ZCCHC14: variants seen among roughly 807,000 people sequenced by gnomAD.
ZCCHC14 encodes zinc finger CCHC-type containing 14.
A neutral mutation model predicts 85.0 loss-of-function variants in ZCCHC14; 16 were observed. The observed-to-expected ratio is 0.19, with a 90% confidence interval of 0.13 to 0.29. The LOEUF (loss-of-function observed/expected upper bound fraction) is 0.29, where lower values mean the gene tolerates loss of function less well. ZCCHC14 is among the 10% of genes least tolerant of loss of function. The probability of loss-of-function intolerance (pLI) is 1.00; values close to 1 mark genes in which losing one functional copy is unlikely to be tolerated. For missense variants in ZCCHC14, 1,303 were observed against 1,443.5 expected (o/e 0.90, Z 1.58); for synonymous variants, 775 against 630.7 (o/e 1.23, Z -3.43).
intron 2 of ZCCHC14, among the ~76,000 whole-genome samples, chr16:87,448,598 G>A (rs182901571): frequency 7.3e-4 from 111 of 152,112 alleles, no homozygotes; most frequent in South Asian, 3.1e-3. Context: ...CTCCACATTC[G>A]GCAATCCTCG....
At chr16:87,459,093 G>A (rs576870245) in intron 2 of ZCCHC14, among the ~76,000 whole-genome samples, 7 of 152,354 alleles carry the variant, frequency 4.6e-5, no homozygotes, top group African/African-American at 1.4e-4. Flanking sequence ...CAGAGCCACA[G>A]GGGCTCAGGC....
At position 87,491,642 on chromosome 16, in the gene ZCCHC14, A is replaced by C; in HGVS notation, c.570+27T>G. The C allele has an allele frequency of 7.2e-7, 1 of 1,383,708 alleles. No individual in the cohort carries two copies. Among genetic ancestry groups the C allele is most frequent in the South Asian group, 1.7e-5 (1 of 58,646 alleles). The allele number at this position is 1,383,708 out of a possible 1,614,324, so 85.7% of individuals were successfully genotyped here. A position where few individuals can be genotyped will look rare whatever the true frequency, so the allele number is the denominator to read the frequency against. ...AGTTGGGGATGCAGACTTGGGGTACAGGGCAGAGCTCGGGGCGGGCACGCA... is the reference window on the plus strand; with the variant it reads ...AGTTGGGGATGCAGACTTGGGGTACCGGGCAGAGCTCGGGGCGGGCACGCA... On this transcript the variant is annotated intron_variant, in intron 1 of 12. Coordinates refer to ENST00000671377, the MANE Select transcript of ZCCHC14 (RefSeq NM_015144.3). This position sits in a 1 kb window ranked among gnomAD's most constrained non-coding sequence, Gnocchi z 5.9.
At chr16:87,444,128 C>T (rs1188301156) in intron 2 of ZCCHC14, among the ~76,000 whole-genome samples, 3 of 151,748 alleles carry the variant, frequency 2.0e-5, no homozygotes, top group Non-Finnish European at 2.9e-5. Flanking sequence ...AGGCCTAGAG[C>T]AGCCACACTC....
intron 1 of ZCCHC14, among the ~76,000 whole-genome samples, chr16:87,478,254 T>G (rs1415466549): frequency 6.6e-6 from 1 of 152,188 alleles, no homozygotes; most frequent in Admixed American, 6.5e-5. Context: ...GTGTCATCCC[T>G]AGACCAGCCA....
chr16:87,411,700 A>G lies in ZCCHC14; in HGVS notation c.3021T>C (p.Phe1007=). 4 of 1,614,082 alleles carry G rather than the reference A, an allele frequency of 2.5e-6. No homozygotes were observed. The highest frequency in any genetic ancestry group is 3.4e-6 in the Non-Finnish European group (4 of 1,179,976). Residue 1007 remains phenylalanine, a synonymous_variant, in exon 12 of 13, where the codon TTT becomes TTC. Coordinates refer to ENST00000671377, the MANE Select transcript of ZCCHC14 (RefSeq NM_015144.3). ...TGAAGTTCTGCATGGGTGGCACGGC[A>G]AACGTGGACTGCCCACTCAGGACAG... is the stretch of plus-strand genomic sequence containing the variant. The part of the protein sequence containing the change: ...PDPVLSGQST[F]AVPPMQNFMA...
Position 87,411,707 on chromosome 16 carries a change from G to A in ZCCHC14, c.3014C>T (p.Ser1005Phe), listed in dbSNP as rs1371126122. ...GTPDPVLSGQ[S>F]TFAVPPMQNF... ...CTGCATGGGTGGCACGGCAAACGTG[G>A]ACTGCCCACTCAGGACAGGGTCTGG... is the stretch of plus-strand genomic sequence containing the variant. The change falls in exon 12 of 13, where the codon TCC (serine) becomes TTC (phenylalanine). Residue 1005 changes from serine to phenylalanine, a missense_variant. Physicochemically the swap from Ser to Phe is radical, Grantham distance 155. Transcript: ENST00000671377. The A allele has an allele frequency of 1.9e-6, 3 of 1,613,992 alleles. No homozygotes were observed. The East Asian group carries it at 6.7e-5, about 36-fold the overall frequency.
chr16:87,422,056 T>C lies in ZCCHC14; in HGVS notation c.841-1340A>G, dbSNP rs981250705. Among the ~76,000 whole-genome samples, 6 of 152,294 alleles carry C rather than the reference T, an allele frequency of 3.9e-5. 1 individual carries two copies. The South Asian group carries it at 8.3e-4, about 21-fold the overall frequency. On this transcript the variant is annotated intron_variant, in intron 4 of 12. Coordinates refer to ENST00000671377, the MANE Select transcript of ZCCHC14 (RefSeq NM_015144.3). ...GGACTTTAAACAGCTATGATGGATG[T>C]ACTAAAGGACCTAGTGAAAACGACA...
chr16:87,491,684 G>A lies in ZCCHC14; in HGVS notation c.555C>T (p.Cys185=), dbSNP rs1912776949. 2 of 1,420,032 alleles carry A rather than the reference G, an allele frequency of 1.4e-6. No individual in the cohort carries two copies. Among genetic ancestry groups the A allele is most frequent in the Non-Finnish European group, 1.8e-6 (2 of 1,093,344 alleles). 88.0% of individuals were successfully genotyped at this position (1,420,032 alleles called of 1,614,324 possible). A position where few individuals can be genotyped will look rare whatever the true frequency, so the allele number is the denominator to read the frequency against. ...GGGCACGCACCTTGTGGCAGGCTGG[G>A]CAAGTGGGCAGCGCGCCGCCCGGCC... is the stretch of plus-strand genomic sequence containing the variant. ...APGPGGALPT[C]PACHKITPRT... Residue 185 remains cysteine (C), a synonymous_variant, in exon 1 of 13, where the codon TGC becomes TGT. Coordinates refer to ENST00000671377, the MANE Select transcript of ZCCHC14 (RefSeq NM_015144.3). The surrounding 1 kb of genome is among the most constrained non-coding windows in gnomAD (Gnocchi z 5.9).
In ZCCHC14 at chr16:87,417,624, A is replaced by G. The variant is rs570400423; in HGVS notation, c.1219T>C (p.Ser407Pro). Residue 407 changes from serine (S) to proline (P), a missense_variant, in exon 8 of 13, where the codon TCA becomes CCA. By Grantham distance (74) the Ser-to-Pro change is moderately conservative (BLOSUM62 -1). This residue lies in a region of ZCCHC14 where 389 missense variants were observed against 397.8 expected (regional missense o/e 0.98). Coordinates refer to ENST00000671377, the MANE Select transcript of ZCCHC14 (RefSeq NM_015144.3). ...PHCSHAGSAG[S>P]ALAYRTQMDT... ...ATCTGGGTCCGGTAGGCCAGGGCTG[A>G]GCCCGCGCTGCCCGCATGGGAGCAG... 119 of 1,614,144 alleles carry G rather than the reference A, an allele frequency of 7.4e-5. No homozygotes were observed. Among genetic ancestry groups the G allele is most frequent in the Non-Finnish European group, 9.1e-5 (107 of 1,180,016 alleles).
intron 2 of ZCCHC14, among the ~76,000 whole-genome samples, chr16:87,445,202 G>A (rs1361652809): frequency 6.6e-6 from 1 of 152,016 alleles, no homozygotes; most frequent in Non-Finnish European, 1.5e-5. Flanking sequence ...AAGCAGCTGG[G>A]ACTACAGGTG....
chr16:87,471,400 T>C (rs1253404386), intron 1 of ZCCHC14: 1 of 152,244 alleles, frequency 6.6e-6, no homozygotes, highest in African/African-American at 2.4e-5. Context: ...ACATTCCTTT[T>C]AATATTTCTT....
intron 8 of ZCCHC14, among the ~76,000 whole-genome samples, chr16:87,416,710 C>G (rs1388287155): frequency 6.6e-6 from 1 of 152,038 alleles, no homozygotes; most frequent in East Asian, 1.9e-4. Flanking sequence ...GAGCCGAGAC[C>G]ATACCATTGC....
At chr16:87,487,039 T>C (rs1912541831) in intron 1 of ZCCHC14, among the ~76,000 whole-genome samples, 1 of 152,238 alleles carries the variant, frequency 6.6e-6, no homozygotes, top group African/African-American at 2.4e-5. Flanking sequence ...ATCCCATGTT[T>C]CACCTCTGAA....
At chr16:87,467,369 T>C in intron 1 of ZCCHC14, 3 of 1,598,542 alleles carry the variant, frequency 1.9e-6, no homozygotes, top group Non-Finnish European at 2.6e-6. Flanking sequence ...CTGGGGTAAT[T>C]AAGCAAGAGA....
At chr16:87,481,554 A>AGGG (rs1304982221) in intron 1 of ZCCHC14, among the ~76,000 whole-genome samples, 2 of 3,414 alleles carry the variant, frequency 5.9e-4, no homozygotes, top group African/African-American at 9.2e-4. Context: ...GGGGGGGGGA[A>AGGG]GGGTAAGCGG....
intron 2 of ZCCHC14, among the ~76,000 whole-genome samples, chr16:87,451,862 G>C (rs1249038628): frequency 6.6e-6 from 1 of 152,242 alleles, no homozygotes; most frequent in South Asian, 2.1e-4. Context: ...CTGCAGGTCT[G>C]CTGCATTCAG....
intron 3 of ZCCHC14, among the ~76,000 whole-genome samples, chr16:87,431,574 C>T (rs1308127841): frequency 1.3e-5 from 2 of 152,028 alleles, no homozygotes; most frequent in African/African-American, 2.4e-5. Context: ...GTGGACCTGA[C>T]TCCTGATTTC....
At chr16:87,474,776 G>A (rs1161646309) in intron 1 of ZCCHC14, among the ~76,000 whole-genome samples, 3 of 152,222 alleles carry the variant, frequency 2.0e-5, no homozygotes, top group African/African-American at 2.4e-5. Flanking sequence ...ACCCTGGAAG[G>A]GAGAGCACCC....
intron 1 of ZCCHC14, among the ~76,000 whole-genome samples, chr16:87,478,683 T>G (rs1171957847): frequency 2.0e-5 from 3 of 151,978 alleles, no homozygotes; most frequent in Admixed American, 1.3e-4. Context: ...CTTGGCTCAC[T>G]GCAACCTCTG....
Sources: allele counts gnomAD v4.1 joint callset (sites outside exome capture counted in the v4.1 genomes callset), GRCh38; gene constraint gnomAD v4.1.1; regional missense constraint gnomAD v4.1.1; non-coding constraint Gnocchi (gnomAD v3.1); transcripts MANE v1.5; gene names NCBI Gene and HGNC (gene_info 2026-07-23, HGNC 2026-07-21).